The following PDGFD variants were observed in gnomAD, a reference collection of about 807,000 sequenced individuals.
PDGFD encodes the protein platelet derived growth factor D.
In PDGFD, 30 loss-of-function variants were observed where a neutral mutation model predicts 44.7. The observed-to-expected ratio is 0.67, with a 90% CI of 0.50 to 0.91. PDGFD has a LOEUF of 0.91. Ranked by LOEUF, PDGFD falls within the 40% of genes least tolerant of loss-of-function variation. The pLI, the probability that PDGFD is intolerant of heterozygous loss-of-function variation, is 0.00. For missense variants in PDGFD, 445 were observed against 457.8 expected (o/e 0.97, Z 0.25); for synonymous variants, 173 against 168.4 (o/e 1.03, Z -0.21).
intron 3 of PDGFD, among the ~76,000 whole-genome samples, chr11:103,960,065 A>C (rs1487914986): frequency 6.6e-6 from 1 of 152,234 alleles, no homozygotes; most frequent in Non-Finnish European, 1.5e-5. Context: ...TTTGCACAGC[A>C]AAATTTTAAT....
At chr11:104,157,172 A>G (rs1862318790) in intron 1 of PDGFD, among the ~76,000 whole-genome samples, 1 of 152,210 alleles carries the variant, frequency 6.6e-6, no homozygotes, top group African/African-American at 2.4e-5. Context: ...GCAGAGCGAC[A>G]ACCAGGGCGA....
At chr11:104,092,001 T>A (rs1387207550) in intron 1 of PDGFD, among the ~76,000 whole-genome samples, 2 of 152,162 alleles carry the variant, frequency 1.3e-5, no homozygotes, top group Non-Finnish European at 2.9e-5. Context: ...CTACACATGA[T>A]CCCACGTAAT....
At chr11:104,100,696 C>A (rs548955333) in intron 1 of PDGFD, among the ~76,000 whole-genome samples, 4 of 152,252 alleles carry the variant, frequency 2.6e-5, no homozygotes, top group Non-Finnish European at 4.4e-5. Context: ...ATGCAAAAAT[C>A]CTCAATAAAA....
chr11:104,044,981 T>C (rs1860417446), intron 1 of PDGFD, among the ~76,000 whole-genome samples: 1 of 152,052 alleles, frequency 6.6e-6, no homozygotes. Context: ...GAGCTTGCAG[T>C]GAGCCGAGAT....
intron 6 of PDGFD, among the ~76,000 whole-genome samples, chr11:103,914,064 C>T (rs1250518914): frequency 1.3e-5 from 2 of 152,096 alleles, no homozygotes; most frequent in Non-Finnish European, 2.9e-5. Context: ...GAGCTTTACA[C>T]CACCCTCTGT....
intron 1 of PDGFD, among the ~76,000 whole-genome samples, chr11:104,015,858 A>G (rs1859852406): frequency 6.6e-6 from 1 of 152,178 alleles, no homozygotes; most frequent in African/African-American, 2.4e-5. Context: ...CAGTCCCTTC[A>G]TGCATATAAA....
chr11:104,158,757 G>A (rs186643864), intron 1 of PDGFD, among the ~76,000 whole-genome samples: 4 of 151,452 alleles, frequency 2.6e-5, no homozygotes, highest in Non-Finnish European at 2.9e-5. Context: ...GGCGTGAACC[G>A]GGAGGTGGAG....
intron 3 of PDGFD, among the ~76,000 whole-genome samples, chr11:103,973,216 G>C (rs1249007732): frequency 1.3e-5 from 2 of 148,550 alleles, no homozygotes; most frequent in Non-Finnish European, 3.0e-5. Context: ...TTGGCTCACT[G>C]CAAGCTCCAC....
intron 3 of PDGFD, among the ~76,000 whole-genome samples, chr11:103,989,006 G>A (rs900011458): frequency 6.6e-6 from 1 of 151,938 alleles, no homozygotes; most frequent in African/African-American, 2.4e-5. Context: ...AAAAAGGTTA[G>A]ATACTATTAT....
chr11:104,035,727 A>T (rs1413504261), intron 1 of PDGFD, among the ~76,000 whole-genome samples: 2 of 152,052 alleles, frequency 1.3e-5, no homozygotes, highest in Non-Finnish European at 2.9e-5. Flanking sequence ...ATTGCACAAA[A>T]TGTCTCATCT....
chr11:104,024,143 T>C (rs927873847), intron 1 of PDGFD, among the ~76,000 whole-genome samples: 2 of 152,166 alleles, frequency 1.3e-5, no homozygotes, highest in African/African-American at 4.8e-5. Flanking sequence ...TCATAAAATG[T>C]ATAACTTGGC....
chr11:104,138,662 C>T (rs1862042974), intron 1 of PDGFD, among the ~76,000 whole-genome samples: 2 of 152,182 alleles, frequency 1.3e-5, no homozygotes, highest in Admixed American at 1.3e-4. Flanking sequence ...GTTTCAGATG[C>T]ACATCTTCAG....
At chr11:104,047,685 T>C (rs1165200807) in intron 1 of PDGFD, among the ~76,000 whole-genome samples, 1 of 147,928 alleles carries the variant, frequency 6.8e-6, no homozygotes, top group Admixed American at 6.8e-5. Context: ...GAAAAAATTA[T>C]AAACATATTT....
At position 104,023,003 on chromosome 11, in the gene PDGFD, A is replaced by T. The variant is rs565743734; in HGVS notation, c.125-22748T>A. ...AAACAATGACTGCCCAAGGAACAAA[A>T]CATATACACAAACCTTTGATTTAGT... On this transcript the variant is annotated intron_variant, in intron 1 of 6. Transcript: ENST00000393158. 3.9e-5 allele frequency among the ~76,000 whole-genome samples: 6 copies of T among 152,276 alleles called. No individual in the cohort carries two copies. The South Asian group carries it at 1.0e-3, about 26-fold the overall frequency.
intron 1 of PDGFD, among the ~76,000 whole-genome samples, chr11:104,086,910 G>T (rs1291560210): frequency 6.6e-6 from 1 of 150,532 alleles, no homozygotes; most frequent in East Asian, 2.0e-4. Flanking sequence ...CGTCTTTCAA[G>T]AATAAATTAT....
At chr11:104,067,780 ACTG>A (rs1349518657) in intron 1 of PDGFD, among the ~76,000 whole-genome samples, 4 of 152,126 alleles carry the variant, frequency 2.6e-5, no homozygotes, top group African/African-American at 9.7e-5. Flanking sequence ...TTTCCTGCAG[ACTG>A]CTTTCTTTGA....
At chr11:104,095,193 G>GAAAC (rs1471486264) in intron 1 of PDGFD, among the ~76,000 whole-genome samples, 1 of 151,712 alleles carries the variant, frequency 6.6e-6, no homozygotes, top group East Asian at 1.9e-4. Context: ...TTCCCTTATT[G>GAAAC]AAATATATTT....
intron 1 of PDGFD, among the ~76,000 whole-genome samples, chr11:104,028,442 T>C (rs1176953419): frequency 2.6e-5 from 4 of 151,512 alleles, no homozygotes; most frequent in Admixed American, 2.0e-4. Flanking sequence ...TTTTGCTTTT[T>C]TTTTTTTCAG....
At chr11:103,918,521 G>A (rs577946751) in intron 6 of PDGFD, among the ~76,000 whole-genome samples, 21 of 152,116 alleles carry the variant, frequency 1.4e-4, no homozygotes, top group Admixed American at 3.3e-4. Flanking sequence ...CTCATTTGAC[G>A]GCAAACAAAA....
Sources: allele counts gnomAD v4.1 joint callset (sites outside exome capture counted in the v4.1 genomes callset), GRCh38; gene constraint gnomAD v4.1.1; transcripts MANE v1.5; gene names NCBI Gene and HGNC (gene_info 2026-07-23, HGNC 2026-07-21).